CCDC7: variants seen among roughly 807,000 people sequenced by gnomAD.
CCDC7 encodes the protein coiled-coil domain containing 7, also known as coiled-coil domain-containing protein 7.
A neutral mutation model predicts 196.9 loss-of-function variants in CCDC7; 183 were observed. The ratio of observed to expected loss-of-function variants is 0.93; its 90% CI spans 0.82 to 1.05. The LOEUF (loss-of-function observed/expected upper bound fraction) is 1.05, where lower values mean the gene tolerates loss of function less well. CCDC7 is among the 50% of genes least tolerant of loss of function. The pLI is 0.00. For synonymous variants in CCDC7, 525 were observed against 484.6 expected (o/e 1.08, Z -1.10); for missense variants, 1,540 against 1,482.2 (o/e 1.04, Z -0.64).
chr10:32,699,888 T>A (rs1349212930), intron 24 of CCDC7, among the ~76,000 whole-genome samples: 1 of 149,520 alleles, frequency 6.7e-6, no homozygotes, highest in Non-Finnish European at 1.5e-5. Context: ...TATGCCCACT[T>A]GTTGATAGGG....
intron 35 of CCDC7, 31 bp downstream of exon 36, chr10:32,845,657 T>A (rs1392614356): frequency 1.2e-5 from 18 of 1,543,536 alleles, no homozygotes; most frequent in Non-Finnish European, 1.6e-5. Flanking sequence ...GACTAATATT[T>A]ATGGTTTATT....
rs917962955 is a variant in CCDC7, at chr10:32,557,695, A to AT, written c.1135-7853dup. ...TCAGTTCCAGAATTTCCATTTGACT[A>AT]TTTTTTTTTTAAAGAGACATTGTCT... On this transcript the variant is annotated intron_variant, in intron 13 of 41. Coordinates refer to ENST00000639629, the Ensembl canonical transcript of CCDC7. Among the ~76,000 whole-genome samples the AT allele has an allele frequency of 8.1e-4, 121 of 148,788 alleles. 1 individual carries two copies. The Middle Eastern group carries it at 0.014, about 17-fold the overall frequency.
intron 30 of CCDC7, among the ~76,000 whole-genome samples, chr10:32,808,384 A>G (rs1164822250): frequency 6.6e-6 from 1 of 152,136 alleles, no homozygotes; most frequent in Non-Finnish European, 1.5e-5. Flanking sequence ...ATCCTGCCCC[A>G]TTTACCACCA....
chr10:32,474,190 C>T (rs1001214674), intron 8 of CCDC7, 167 bp downstream of exon 9: 10 of 221,960 alleles, frequency 4.5e-5, no homozygotes, highest in South Asian at 1.0e-4. Context: ...GTTAAGGATA[C>T]GTGTTACTGA....
chr10:32,637,026 T>G (rs1299917148), intron 20 of CCDC7, among the ~76,000 whole-genome samples: 1 of 152,250 alleles, frequency 6.6e-6, no homozygotes, highest in Non-Finnish European at 1.5e-5. Flanking sequence ...ATAAATGTCT[T>G]CTTTTGAGAA....
chr10:32,725,285 A>G, intron 25 of CCDC7: 1 of 469,236 alleles, frequency 2.1e-6, no homozygotes, highest in Non-Finnish European at 4.4e-6. Flanking sequence ...AAACTTTTAC[A>G]AAATTGCTTA....
intron 41 of CCDC7, among the ~76,000 whole-genome samples, chr10:32,870,519 A>T (rs999750311): frequency 3.3e-5 from 5 of 152,186 alleles, no homozygotes; most frequent in Admixed American, 3.3e-4. Context: ...GGTTTTCTAG[A>T]TATACAATCA....
At chr10:32,605,385 T>C (rs2061468075) in intron 18 of CCDC7, among the ~76,000 whole-genome samples, 2 of 152,148 alleles carry the variant, frequency 1.3e-5, no homozygotes, top group Non-Finnish European at 2.9e-5. Context: ...TACCTCAAAA[T>C]GTGGATGCAA....
rs963278270 is a variant in CCDC7 at position 32,827,126 on chromosome 10, C to T, written c.3268+2522C>T. ...AGGATGACCCATTCTGTGGACACCACTCAGCCTCTTTCCCCAGCCACGCCT... is the reference window on the plus strand; with the variant it reads ...AGGATGACCCATTCTGTGGACACCATTCAGCCTCTTTCCCCAGCCACGCCT... On this transcript the variant is annotated intron_variant, in intron 32 of 41. Transcript: ENST00000639629. Among the ~76,000 whole-genome samples the T allele has an allele frequency of 3.3e-5, 5 of 152,222 alleles. No individual in the cohort carries two copies. The East Asian group carries it at 9.6e-4, about 29-fold the overall frequency.
At chr10:32,702,432 A>T (rs2078917421) in intron 24 of CCDC7, among the ~76,000 whole-genome samples, 1 of 152,158 alleles carries the variant, frequency 6.6e-6, no homozygotes, top group Non-Finnish European at 1.5e-5. Context: ...GGAGTGCTTT[A>T]CTTCCAACTA....
chr10:32,586,768 G>T (rs2059322846), intron 18 of CCDC7, among the ~76,000 whole-genome samples: 1 of 152,128 alleles, frequency 6.6e-6, no homozygotes, highest in Admixed American at 6.5e-5. Flanking sequence ...AGCTGTTTTG[G>T]CTACTGTAGC....
intron 33 of CCDC7, among the ~76,000 whole-genome samples, chr10:32,840,894 G>A (rs9651363): frequency 0.92 from 140,467 of 152,074 alleles, 65,850 homozygotes; most frequent in East Asian, 1. Flanking sequence ...CAGAATTAAA[G>A]ACAACAATCA....
rs531393963 is a variant in CCDC7, at chr10:32,482,034, T to C, written c.796+8011T>C. ...AGACGTTTTATCTTTCTGATGTTTATATCTTTCCCTATATTTGGGACATTT... is the reference window on the plus strand; with the variant it reads ...AGACGTTTTATCTTTCTGATGTTTACATCTTTCCCTATATTTGGGACATTT... On this transcript the variant is annotated intron_variant, in intron 8 of 41. Transcript: ENST00000639629. Among the ~76,000 whole-genome samples the C allele has an allele frequency of 1.1e-4, 17 of 152,276 alleles. No individual in the cohort carries two copies. In the South Asian group the frequency reaches 3.5e-3, roughly 32 times the overall value.
At chr10:32,593,350 T>C (rs2059975127) in intron 18 of CCDC7, among the ~76,000 whole-genome samples, 1 of 152,252 alleles carries the variant, frequency 6.6e-6, no homozygotes, top group African/African-American at 2.4e-5. Context: ...TATCTTCTTT[T>C]GAGAAGTGTC....
chr10:32,510,758 A>G (rs528341860), intron 9 of CCDC7, among the ~76,000 whole-genome samples: 2 of 152,268 alleles, frequency 1.3e-5, no homozygotes, highest in African/African-American at 4.8e-5. Flanking sequence ...TAGAGGCAAC[A>G]TGCCAAGAAT....
At chr10:32,613,606 T>C (rs548187866) in intron 18 of CCDC7, among the ~76,000 whole-genome samples, 1 of 152,216 alleles carries the variant, frequency 6.6e-6, no homozygotes, top group Admixed American at 6.5e-5. Flanking sequence ...GATTCTGGTA[T>C]GCTGTGCCTT....
At chr10:32,511,258 G>T (rs1304017814) in intron 9 of CCDC7, 3 of 651,944 alleles carry the variant, frequency 4.6e-6, no homozygotes, top group South Asian at 3.9e-5. Flanking sequence ...ATTCTGTGGG[G>T]GGCGGGGGGG....
intron 11 of CCDC7, among the ~76,000 whole-genome samples, chr10:32,524,068 TGTC>T (rs780165898): frequency 9.3e-6 from 1 of 107,298 alleles, no homozygotes; most frequent in African/African-American, 3.1e-5. Context: ...TTCTTCCTTC[TGTC>T]TTTTTTTTTT....
intron 9 of CCDC7, among the ~76,000 whole-genome samples, chr10:32,502,112 C>T (rs902749929): frequency 6.6e-6 from 1 of 152,208 alleles, no homozygotes; most frequent in African/African-American, 2.4e-5. Context: ...TGACCTTAGA[C>T]TGCTGTGCTA....
Sources: gnomAD v4.1 joint callset for allele counts (sites outside exome capture counted in the v4.1 genomes callset) on GRCh38, gnomAD v4.1.1 for gene constraint, MANE v1.5 for transcripts, NCBI Gene and HGNC (gene_info 2026-07-23, HGNC 2026-07-21) for gene names.